UGT2A1: variants seen among roughly 807,000 people sequenced by gnomAD.
UGT2A1 encodes UDP glucuronosyltransferase family 2 member A1 complex locus, also known as UDP-glucuronosyltransferase 2A1.
Under a neutral mutation model 45.4 loss-of-function variants are expected in UGT2A1, and 61 were observed. That is an observed-to-expected ratio of 1.34 (90% CI 1.09 to 1.66). UGT2A1 has a LOEUF of 1.66. Ranked by LOEUF, UGT2A1 falls within the 40% of genes most tolerant of loss-of-function variation. The pLI is 0.00. For synonymous variants in UGT2A1, 229 were observed against 196.2 expected (o/e 1.17, Z -1.40); for missense variants, 649 against 574.3 (o/e 1.13, Z -1.33).
intron 3 of UGT2A1, among the ~76,000 whole-genome samples, chr4:69,603,994 C>T (rs1719455210): frequency 7.3e-6 from 1 of 136,782 alleles, no homozygotes; most frequent in Admixed American, 7.2e-5. Flanking sequence ...AAACACTCTG[C>T]AGGATATTAT....
intron 3 of UGT2A1, among the ~76,000 whole-genome samples, chr4:69,614,609 T>C (rs10011912): frequency 0.79 from 118,885 of 151,436 alleles, 46,789 homozygotes; most frequent in South Asian, 0.85. Context: ...ATGGCACTAT[T>C]ATAAAAAAAG....
At chr4:69,620,288 C>G (rs560441574) in intron 3 of UGT2A1, among the ~76,000 whole-genome samples, 57 of 126,038 alleles carry the variant, frequency 4.5e-4, no homozygotes, top group African/African-American at 1.7e-3. Context: ...AGTAAAGTTT[C>G]AGGAAAAAAA....
In UGT2A1 at chr4:69,606,476, G is replaced by A. The variant is rs544180019; in HGVS notation, c.848-7082C>T. Among the ~76,000 whole-genome samples, 33 of 136,472 alleles carry A rather than the reference G, an allele frequency of 2.4e-4. 10 individuals carry two copies. In the South Asian group the frequency reaches 8.0e-3, roughly 33 times the overall value. 89.5% of individuals were successfully genotyped at this position (136,472 alleles called of 152,430 possible). On this transcript the variant is annotated intron_variant, in intron 3 of 6. Transcript: ENST00000286604. Reference sequence around the variant, plus strand: ...CCCACAGCCAATATCATACTGAATGGACAAAAACTGGAAGTATTCCCTTTG... The same window carrying A: ...CCCACAGCCAATATCATACTGAATGAACAAAAACTGGAAGTATTCCCTTTG...
In UGT2A1 at chr4:69,643,321, T is replaced by C. The variant is rs554552828; in HGVS notation, c.715+3609A>G. Among the ~76,000 whole-genome samples, 12 of 151,696 alleles carry C rather than the reference T, an allele frequency of 7.9e-5. No individual in the cohort carries two copies. In the South Asian group the frequency reaches 2.5e-3, roughly 32 times the overall value. On this transcript the variant is annotated intron_variant, in intron 2 of 6. Transcript: ENST00000286604. ...AAAATATTCTGAACAGTTAATAGAT[T>C]TGCACCTGAAATTTAAAAAGAAGGA... is the stretch of plus-strand genomic sequence containing the variant.
intron 3 of UGT2A1, among the ~76,000 whole-genome samples, chr4:69,631,346 T>C (rs577204150): frequency 3.3e-5 from 5 of 152,200 alleles, no homozygotes; most frequent in Non-Finnish European, 7.4e-5. Context: ...AAAATTAAAA[T>C]GATAATATTT....
chr4:69,618,214 TG>T (rs61694484), intron 3 of UGT2A1, among the ~76,000 whole-genome samples: 1,186 of 109,828 alleles, frequency 0.011, 20 homozygotes, highest in African/African-American at 0.034. Context: ...TGTGTGTGTG[TG>T]TATGTTTGTG....
At chr4:69,610,763 CA>C (rs1168144688) in intron 3 of UGT2A1, among the ~76,000 whole-genome samples, 1 of 152,108 alleles carries the variant, frequency 6.6e-6, no homozygotes, top group Non-Finnish European at 1.5e-5. Flanking sequence ...ATAAAAACTT[CA>C]AGAAAAAACA....
At chr4:69,613,132 C>T (rs1720168890) in intron 3 of UGT2A1, among the ~76,000 whole-genome samples, 1 of 151,840 alleles carries the variant, frequency 6.6e-6, no homozygotes, top group African/African-American at 2.4e-5. Flanking sequence ...AAAAAATGTG[C>T]ATTATCACTA....
At position 69,589,532 on chromosome 4, in the gene UGT2A1, C is replaced by T. The variant is rs1229538259; in HGVS notation, c.1424G>A (p.Arg475Gln). 9 of 1,613,928 alleles carry T rather than the reference C, an allele frequency of 5.6e-6. No homozygotes were observed. The highest frequency in any genetic ancestry group is 3.3e-5 in the South Asian group (3 of 91,086). ...CCAGGTGAGGTCATGGGCTGCAACC[C>T]GAAGGTGCTTGGCTCCTTTGTGGCG... ...VMRHKGAKHL[R>Q]VAAHDLTWFQ... Residue 475 changes from arginine to glutamine, a missense_variant, in exon 7 of 7, where the codon CGG (arginine) becomes CAG (glutamine). Arg to Gln is a conservative substitution (Grantham distance 43). Transcript: ENST00000286604.
At chr4:69,623,250 C>T (rs1720854775) in intron 3 of UGT2A1, among the ~76,000 whole-genome samples, 1 of 151,738 alleles carries the variant, frequency 6.6e-6, no homozygotes, top group Non-Finnish European at 1.5e-5. Context: ...TACCACTACC[C>T]CATTTCTACC....
intron 2 of UGT2A1, among the ~76,000 whole-genome samples, chr4:69,644,762 G>C (rs1029834280): frequency 2.0e-5 from 3 of 151,754 alleles, no homozygotes; most frequent in Non-Finnish European, 4.4e-5. Context: ...ATACCCAGAG[G>C]AGGTGATGAC....
rs1008433804 is a variant in UGT2A1, at chr4:69,603,681, C to T, written c.848-4287G>A. ...TTAAAAACCTTGAAAAAAAATTAGACGAATGGCTAACTAGAATCACCAATG... is the reference window on the plus strand; with the variant it reads ...TTAAAAACCTTGAAAAAAAATTAGATGAATGGCTAACTAGAATCACCAATG... On this transcript the variant is annotated intron_variant, in intron 3 of 6. Transcript: ENST00000286604. The T allele has an allele frequency of 4.4e-5, 6 of 135,768 alleles. 1 individual carries two copies. Among genetic ancestry groups the T allele is most frequent in the South Asian group, 4.9e-4 (2 of 4,104 alleles). The allele number at this position is 135,768 out of a possible 1,614,324, so 8.4% of individuals were successfully genotyped here.
chr4:69,617,534 C>G (rs528439860), intron 3 of UGT2A1, among the ~76,000 whole-genome samples: 1 of 151,878 alleles, frequency 6.6e-6, no homozygotes, highest in Non-Finnish European at 1.5e-5. Flanking sequence ...AATATTGTAG[C>G]CATTCTCTAA....
intron 1 of UGT2A1, among the ~76,000 whole-genome samples, chr4:69,652,773 G>T (rs1262981896): frequency 6.6e-6 from 1 of 152,156 alleles, no homozygotes; most frequent in Non-Finnish European, 1.5e-5. Context: ...AAGGACCACA[G>T]TGGTCACTTG....
chr4:69,597,676 T>G (rs1414097445), intron 4 of UGT2A1, among the ~76,000 whole-genome samples: 1 of 151,976 alleles, frequency 6.6e-6, no homozygotes, highest in East Asian at 1.9e-4. Context: ...GCTTTGCCAT[T>G]TTGATTTATT....
intron 3 of UGT2A1, among the ~76,000 whole-genome samples, chr4:69,618,915 T>C (rs80356027): frequency 6.6e-5 from 10 of 151,856 alleles, no homozygotes; most frequent in African/African-American, 2.2e-4. Context: ...TTAGAAGAAA[T>C]TTTTTAAAAA....
rs775052825 is a variant in UGT2A1, at chr4:69,589,430, C to T, written c.1526G>A (p.Cys509Tyr). 1.2e-6 allele frequency: 2 copies of T among 1,613,968 alleles called. No individual in the cohort carries two copies. The highest frequency in any genetic ancestry group is 1.1e-5 in the South Asian group (1 of 91,072). The change falls in exon 7 of 7, where the codon TGT (cysteine) becomes TAT (tyrosine). Residue 509 changes from cysteine (C) to tyrosine (Y), a missense_variant. Cys to Tyr is a radical substitution (Grantham distance 194, BLOSUM62 -2). Transcript: ENST00000286604. ...VTTAIFLVIQCCLFSCQKFGK... is the reference protein window; with the variant it reads ...VTTAIFLVIQYCLFSCQKFGK... ...AAATTTTTGACAGGAAAACAAACAA[C>T]ATTGTATGACCAAAAATATAGCCGT...
Position 69,647,047 on chromosome 4 carries a change from G to T in UGT2A1, c.598C>A (p.Leu200Ile). The change falls in exon 2 of 7, where the codon CTC (leucine) becomes ATC (isoleucine). Residue 200 changes from leucine to isoleucine, a missense_variant. Coordinates refer to ENST00000286604, the MANE Select transcript of UGT2A1 (RefSeq NM_001252275.3). ...PSYVPAVLSE[L>I]TDQMSFTDRI... ...TCAGTGAAAGACATTTGGTCGGTGA[G>T]TTCTGATAAAACAGCAGGAACATAG... 4 of 1,612,950 alleles carry T rather than the reference G, an allele frequency of 2.5e-6. No homozygotes were observed. The South Asian group carries it at 3.3e-5, about 13-fold the overall frequency.
intron 2 of UGT2A1, chr4:69,639,584 A>G (rs1260417506): frequency 1.2e-6 from 2 of 1,610,094 alleles, no homozygotes; most frequent in East Asian, 2.2e-5. Flanking sequence ...GAGTCAAATT[A>G]AAAACCAGCA....
Sources: gnomAD v4.1 joint callset for allele counts (sites outside exome capture counted in the v4.1 genomes callset) on GRCh38, gnomAD v4.1.1 for gene constraint, MANE v1.5 for transcripts, NCBI Gene and HGNC (gene_info 2026-07-23, HGNC 2026-07-21) for gene names.